Variants in DACH2 observed in about 807,000 individuals in gnomAD.
DACH2 encodes dachshund family transcription factor 2, also known as dachshund homolog 2.
A neutral mutation model predicts 35.8 loss-of-function variants in DACH2; 17 were observed. The ratio of observed to expected loss-of-function variants is 0.48; its 90% confidence interval spans 0.33 to 0.71. The LOEUF (loss-of-function observed/expected upper bound fraction) is 0.71, where lower values mean the gene tolerates loss of function less well. Among genes scored for constraint, DACH2 ranks in the 30% least tolerant of loss-of-function variants. The pLI is 0.02. For missense variants in DACH2, 469 were observed against 472.7 expected (o/e 0.99, Z 0.07); for synonymous variants, 195 against 177.3 (o/e 1.10, Z -0.79).
intron 2 of DACH2, among the ~76,000 whole-genome samples, chrX:86,415,863 A>C (rs2036696256): frequency 1.8e-5 from 2 of 111,788 alleles, no homozygotes; most frequent in Non-Finnish European, 3.8e-5. Flanking sequence ...TGAGAAATTA[A>C]TAAAATGTTG....
chrX:86,246,109 TA>T (rs1309695331), intron 1 of DACH2, among the ~76,000 whole-genome samples: 1 of 109,474 alleles, frequency 9.1e-6, no homozygotes, highest in Non-Finnish European at 1.9e-5. Flanking sequence ...CTCAATCAAA[TA>T]AAAATAAAGA....
At chrX:86,612,310 C>A (rs546190114) in intron 3 of DACH2, among the ~76,000 whole-genome samples, 3 of 108,044 alleles carry the variant, frequency 2.8e-5, no homozygotes, top group African/African-American at 1.0e-4. Context: ...GAAGCTCCAC[C>A]ACCTGGTATT....
chrX:86,827,769 G>T, intron 11 of DACH2: 1 of 1,166,302 alleles, frequency 8.6e-7, no homozygotes, highest in Non-Finnish European at 1.1e-6. Context: ...TGTGCAGCCT[G>T]AACACTGATG....
At chrX:86,670,840 T>G (rs1376685323) in intron 4 of DACH2, among the ~76,000 whole-genome samples, 1 of 111,974 alleles carries the variant, frequency 8.9e-6, no homozygotes, top group Non-Finnish European at 1.9e-5. Context: ...CATGAAGAAA[T>G]AGTATATGGA....
At chrX:86,422,532 AT>A (rs941563171) in intron 2 of DACH2, among the ~76,000 whole-genome samples, 2 of 110,087 alleles carry the variant, frequency 1.8e-5, no homozygotes, top group African/African-American at 3.3e-5. Flanking sequence ...TTTTTAAAAA[AT>A]TTTTTTGTGG....
chrX:86,662,004 G>A (rs1294164012), intron 4 of DACH2, among the ~76,000 whole-genome samples: 1 of 112,014 alleles, frequency 8.9e-6, no homozygotes, highest in Non-Finnish European at 1.9e-5. Flanking sequence ...GAAAGTTTAA[G>A]AAGTGAAATA....
chrX:86,363,364 C>A (rs2035764014), intron 1 of DACH2, among the ~76,000 whole-genome samples: 1 of 110,660 alleles, frequency 9.0e-6, no homozygotes, highest in Non-Finnish European at 1.9e-5. Context: ...GAAAATTTCC[C>A]GTCTGGTAAT....
intron 1 of DACH2, among the ~76,000 whole-genome samples, chrX:86,213,508 A>G (rs142369506): frequency 0.044 from 4,928 of 111,295 alleles, 278 homozygotes; most frequent in African/African-American, 0.15. Flanking sequence ...TAAATTATCT[A>G]TTTTTAAGTC....
chrX:86,172,796 A>C (rs961910107), intron 1 of DACH2, among the ~76,000 whole-genome samples: 2 of 111,930 alleles, frequency 1.8e-5, no homozygotes, highest in African/African-American at 6.5e-5. Context: ...TAATTTCTTT[A>C]AGGTGCATGT....
intron 1 of DACH2, among the ~76,000 whole-genome samples, chrX:86,333,628 C>T (rs764586179): frequency 9.0e-6 from 1 of 111,501 alleles, no homozygotes; most frequent in South Asian, 3.8e-4. Context: ...TACTCTTTTC[C>T]CCATACTGAT....
intron 7 of DACH2, among the ~76,000 whole-genome samples, chrX:86,784,354 AG>A (rs770970623): frequency 3.7e-4 from 41 of 111,220 alleles, no homozygotes; most frequent in African/African-American, 1.3e-3. Context: ...ACATACCCAC[AG>A]ACAACATACA....
In DACH2 at chrX:86,301,761, G is replaced by A. The variant is rs184340166; in HGVS notation, c.489-75063G>A. On this transcript the variant is annotated intron_variant, in intron 1 of 11. Transcript: ENST00000373125. ...TTGTCAACTGCGTTTTTGATACATG[G>A]TTGGAATTTTTATCTTATCAGTATA... 7.1e-5 allele frequency among the ~76,000 whole-genome samples: 8 copies of A among 112,046 alleles called. No homozygotes were observed. The East Asian group carries it at 2.2e-3, about 31-fold the overall frequency.
intron 3 of DACH2, among the ~76,000 whole-genome samples, chrX:86,622,049 G>GA (rs1169478657): frequency 9.0e-6 from 1 of 110,896 alleles, no homozygotes; most frequent in Admixed American, 9.6e-5. Flanking sequence ...ATTTATGAAT[G>GA]AAAAAAACTT....
chrX:86,804,008 CT>C (rs761364184), intron 7 of DACH2, among the ~76,000 whole-genome samples: 1 of 111,411 alleles, frequency 9.0e-6, no homozygotes, highest in East Asian at 2.8e-4. Context: ...TTTTATTTGA[CT>C]TTTTTTCTTA....
chrX:86,646,977 T>C (rs766963896), intron 3 of DACH2, among the ~76,000 whole-genome samples: 20 of 109,597 alleles, frequency 1.8e-4, no homozygotes, highest in African/African-American at 3.0e-4. Context: ...TAATGAGATA[T>C]CACCTCACAC....
At chrX:86,383,388 A>G (rs2036075329) in intron 2 of DACH2, among the ~76,000 whole-genome samples, 1 of 107,459 alleles carries the variant, frequency 9.3e-6, no homozygotes, top group African/African-American at 3.4e-5. Flanking sequence ...TATGTATTTG[A>G]GGCGTTGATA....
chrX:86,432,062 A>T (rs1025558080), intron 2 of DACH2, among the ~76,000 whole-genome samples: 1 of 112,093 alleles, frequency 8.9e-6, no homozygotes, highest in African/African-American at 3.2e-5. Context: ...CATTTTAATA[A>T]AAAAGAAATC....
intron 4 of DACH2, among the ~76,000 whole-genome samples, chrX:86,658,798 T>G (rs1167219888): frequency 9.0e-6 from 1 of 111,612 alleles, no homozygotes. Context: ...GTTGCCCATT[T>G]ACTTGTAGAA....
chrX:86,355,543 A>T (rs1212073706), intron 1 of DACH2, among the ~76,000 whole-genome samples: 15 of 110,321 alleles, frequency 1.4e-4, no homozygotes, highest in Non-Finnish European at 2.7e-4. Context: ...TTATTTATTC[A>T]TTTAGAGACA....
Sources: gnomAD v4.1 joint callset for allele counts (sites outside exome capture counted in the v4.1 genomes callset) on GRCh38, gnomAD v4.1.1 for gene constraint, MANE v1.5 for transcripts, NCBI Gene and HGNC (gene_info 2026-07-23, HGNC 2026-07-21) for gene names.